Variants in KIF6 observed in about 807,000 individuals in gnomAD.
KIF6 encodes kinesin-like protein KIF6.
A neutral mutation model predicts 112.7 loss-of-function variants in KIF6; 106 were observed. The observed-to-expected ratio is 0.94, with a 90% CI of 0.80 to 1.11. The LOEUF (loss-of-function observed/expected upper bound fraction) is 1.11. KIF6 is among the 50% of genes least tolerant of loss of function. KIF6 has a pLI of 0.00. For synonymous variants in KIF6, 339 were observed against 339.9 expected (o/e 1.00, Z 0.03); for missense variants, 929 against 964.0 (o/e 0.96, Z 0.48).
chr6:39,651,865 T>C (rs1235673780), intron 3 of KIF6, among the ~76,000 whole-genome samples: 1 of 152,124 alleles, frequency 6.6e-6, no homozygotes, highest in Non-Finnish European at 1.5e-5. Flanking sequence ...GAGCCAGAGT[T>C]TGAAGCAGAA....
chr6:39,700,717 AT>A (rs34353421), intron 3 of KIF6, among the ~76,000 whole-genome samples: 122,479 of 144,606 alleles, frequency 0.85, 52,277 homozygotes, highest in East Asian at 0.99. Context: ...CATAATTTTA[AT>A]TTTTTTTTTT....
At chr6:39,361,607 GA>G (rs1170047369) in intron 17 of KIF6, among the ~76,000 whole-genome samples, 1 of 150,648 alleles carries the variant, frequency 6.6e-6, no homozygotes, top group African/African-American at 2.4e-5. Flanking sequence ...AGAAACTAAG[GA>G]AAATGAACAG....
At chr6:39,365,363 T>TGG (rs1431027880) in intron 16 of KIF6, among the ~76,000 whole-genome samples, 1 of 152,204 alleles carries the variant, frequency 6.6e-6, no homozygotes, top group Non-Finnish European at 1.5e-5. Context: ...TTGGCTCAGA[T>TGG]GAGGCAGCCC....
intron 6 of KIF6, among the ~76,000 whole-genome samples, chr6:39,606,534 T>C (rs897162391): frequency 1.3e-5 from 2 of 152,146 alleles, no homozygotes. Flanking sequence ...AATATTCATA[T>C]TGGGTTTACA....
intron 13 of KIF6, among the ~76,000 whole-genome samples, chr6:39,490,457 A>C (rs1156441399): frequency 6.6e-6 from 1 of 152,232 alleles, no homozygotes; most frequent in Non-Finnish European, 1.5e-5. Context: ...AGTGAGTCTA[A>C]TGTCTGTTAG....
At chr6:39,438,241 T>G (rs546387448) in intron 13 of KIF6, among the ~76,000 whole-genome samples, 2 of 152,238 alleles carry the variant, frequency 1.3e-5, no homozygotes, top group Admixed American at 1.3e-4. Context: ...CCCAAAGTAC[T>G]GGGATTACAG....
intron 6 of KIF6, among the ~76,000 whole-genome samples, chr6:39,606,773 T>G (rs79914690): frequency 2.2e-3 from 331 of 152,330 alleles, no homozygotes; most frequent in African/African-American, 7.1e-3. Flanking sequence ...CTTCTATAGT[T>G]AGAATGAATA....
chr6:39,346,040 A>C, intron 20 of KIF6, among the ~76,000 whole-genome samples: 2 of 94,474 alleles, frequency 2.1e-5, no homozygotes, highest in Admixed American at 1.2e-4. Context: ...GAGGATGAGA[A>C]ACTACAGTGC....
chr6:39,625,697 G>A (rs896745481), intron 5 of KIF6, among the ~76,000 whole-genome samples: 1 of 152,074 alleles, frequency 6.6e-6, no homozygotes, highest in Non-Finnish European at 1.5e-5. Flanking sequence ...TAGTAGTAAG[G>A]ACTGAAGGAT....
chr6:39,603,503 G>C (rs1383866135), intron 6 of KIF6, among the ~76,000 whole-genome samples: 2 of 151,776 alleles, frequency 1.3e-5, no homozygotes, highest in African/African-American at 4.8e-5. Context: ...TGCTGAAAGA[G>C]AAATTTGAAA....
At chr6:39,600,342 T>G (rs1031719343) in intron 6 of KIF6, among the ~76,000 whole-genome samples, 1 of 152,192 alleles carries the variant, frequency 6.6e-6, no homozygotes, top group African/African-American at 2.4e-5. Flanking sequence ...TATTAGCCTA[T>G]GTATATCACT....
At chr6:39,517,330 G>A (rs1582031091) in intron 13 of KIF6, among the ~76,000 whole-genome samples, 3 of 152,214 alleles carry the variant, frequency 2.0e-5, no homozygotes, top group African/African-American at 7.2e-5. Flanking sequence ...ACAGAAAGAA[G>A]AAAGTGTTAA....
At chr6:39,655,174 C>T (rs533578117) in intron 3 of KIF6, among the ~76,000 whole-genome samples, 1 of 152,196 alleles carries the variant, frequency 6.6e-6, no homozygotes, top group African/African-American at 2.4e-5. Context: ...TTTCTTTTAT[C>T]TGATTGTAAT....
At chr6:39,590,444 TA>T (rs1280182270) in intron 7 of KIF6, among the ~76,000 whole-genome samples, 7 of 126,848 alleles carry the variant, frequency 5.5e-5, no homozygotes, top group African/African-American at 1.9e-4. Flanking sequence ...TATATATATA[TA>T]TATATATTTT....
At chr6:39,337,085 TTC>T (rs1762971008) in intron 22 of KIF6, among the ~76,000 whole-genome samples, 1 of 131,718 alleles carries the variant, frequency 7.6e-6, no homozygotes. Context: ...CTTTCTTTCC[TTC>T]TTTCCTTTCT....
intron 13 of KIF6, among the ~76,000 whole-genome samples, chr6:39,449,891 G>A (rs1055045995): frequency 4.6e-5 from 7 of 152,162 alleles, no homozygotes; most frequent in African/African-American, 1.7e-4. Flanking sequence ...TCTGTTCTGG[G>A]GGACTTGGCT....
At chr6:39,602,221 A>G (rs1241387112) in intron 6 of KIF6, among the ~76,000 whole-genome samples, 1 of 152,018 alleles carries the variant, frequency 6.6e-6, no homozygotes, top group Non-Finnish European at 1.5e-5. Context: ...TCTTCCATAT[A>G]TGTTTTCTTT....
chr6:39,367,245 C>T (rs1296174696), intron 16 of KIF6, among the ~76,000 whole-genome samples: 1 of 152,168 alleles, frequency 6.6e-6, no homozygotes, highest in Admixed American at 6.5e-5. Flanking sequence ...AAATAAAAGC[C>T]ACTGAGCAAG....
chr6:39,425,611 A>G (rs1392736004), intron 14 of KIF6, among the ~76,000 whole-genome samples: 1 of 151,884 alleles, frequency 6.6e-6, no homozygotes, highest in Non-Finnish European at 1.5e-5. Context: ...CTTGGCTGCC[A>G]AGATTTCTCA....
Sources: gnomAD v4.1 joint callset for allele counts (sites outside exome capture counted in the v4.1 genomes callset) on GRCh38, gnomAD v4.1.1 for gene constraint, MANE v1.5 for transcripts, NCBI Gene and HGNC (gene_info 2026-07-23, HGNC 2026-07-21) for gene names.